Variants in B3GAT3 observed in about 807,000 individuals in gnomAD.
B3GAT3 encodes beta-1,3-glucuronyltransferase 3, also known as galactosylgalactosylxylosylprotein 3-beta-glucuronosyltransferase 3.
In B3GAT3, 19 loss-of-function variants were observed where a neutral mutation model predicts 33.1. The observed-to-expected ratio is 0.57, with a 90% confidence interval of 0.40 to 0.84. The LOEUF is 0.84. B3GAT3 is among the 40% of genes least tolerant of loss of function. The pLI, the probability that B3GAT3 is intolerant of heterozygous loss-of-function variation, is 0.00. For synonymous variants in B3GAT3, 167 were observed against 193.5 expected, an observed-to-expected ratio of 0.86 and a Z score of 1.14; for missense variants, 344 against 441.5, an observed-to-expected ratio of 0.78 and a Z score of 1.98.
At chr11:62,619,000 A>AT (rs1231895238) in intron 2 of B3GAT3, among the ~76,000 whole-genome samples, 87 of 145,334 alleles carry the variant, frequency 6.0e-4, no homozygotes, top group Admixed American at 1.0e-3. Context: ...AAAAAAAAAA[A>AT]ATTAGCCTGG....
chr11:62,616,485 T>C (rs1178773636), intron 4 of B3GAT3, 21 bp downstream of exon 4: 6 of 1,614,030 alleles, frequency 3.7e-6, no homozygotes, highest in Non-Finnish European at 4.2e-6. Context: ...CAGGTTTCTA[T>C]GCCCATCTCC....
chr11:62,616,887 C>G, intron 3 of B3GAT3, 91 bp from the exon 4 acceptor site: 1 of 1,612,270 alleles, frequency 6.2e-7, no homozygotes, highest in Non-Finnish European at 8.5e-7. Context: ...CCCACTGCTT[C>G]CAGCCCCTCA....
At chr11:62,621,338 G>A (rs1943140507) in intron 1 of B3GAT3, 1 of 456,520 alleles carries the variant, frequency 2.2e-6, no homozygotes, top group Admixed American at 2.4e-5. Flanking sequence ...AACTGTGATG[G>A]GGCCATGAAG....
At chr11:62,621,512 G>A (rs150523874) in intron 1 of B3GAT3, among the ~76,000 whole-genome samples, 1 of 152,248 alleles carries the variant, frequency 6.6e-6, no homozygotes, top group Non-Finnish European at 1.5e-5. Flanking sequence ...CCCAAGCAGA[G>A]GGAACAAGTT....
At position 62,615,787 on chromosome 11, in the gene B3GAT3, G is replaced by A; in HGVS notation, c.922C>T (p.His308Tyr). The A allele has an allele frequency of 6.2e-7, 1 of 1,613,814 alleles. No individual in the cohort carries two copies. The highest frequency in any genetic ancestry group is 8.5e-7 in the Non-Finnish European group (1 of 1,180,028). The change falls in exon 5 of 5, where the codon CAT (histidine) becomes TAT (tyrosine). Residue 308 changes from histidine (H) to tyrosine (Y), a missense_variant. Transcript: ENST00000265471. ...ATCTTGGGCTTCTCTGTCCGAGTAT[G>A]CCACACCAGTACCTGTGCCAGGAGG... is the stretch of plus-strand genomic sequence containing the variant. ...AANCTRVLVW[H>Y]TRTEKPKMKQ...
chr11:62,621,804 G>A, intron 1 of B3GAT3, 62 bp downstream of exon 1: 1 of 1,491,848 alleles, frequency 6.7e-7, no homozygotes. Context: ...TCCCCAGGGC[G>A]GGATGCACGG....
intron 2 of B3GAT3, among the ~76,000 whole-genome samples, chr11:62,618,370 G>T (rs1943075624): frequency 6.6e-6 from 1 of 151,974 alleles, no homozygotes; most frequent in Non-Finnish European, 1.5e-5. Flanking sequence ...TTGTTTTAAA[G>T]ATTAAATAAG....
chr11:62,618,852 G>A (rs983053547), intron 2 of B3GAT3, among the ~76,000 whole-genome samples: 16 of 152,020 alleles, frequency 1.1e-4, no homozygotes, highest in East Asian at 9.7e-4. Context: ...GTGTGGTGGC[G>A]CATGCTTGTA....
In B3GAT3 at chr11:62,618,289, A is replaced by G. The variant is rs2134432895; in HGVS notation, c.258-942T>C. 2.6e-5 allele frequency among the ~76,000 whole-genome samples: 4 copies of G among 152,176 alleles called. 1 individual carries two copies. Among genetic ancestry groups the G allele is most frequent in the Middle Eastern group, 6.8e-3 (2 of 294 alleles). ...ACTTATTATGTGAGACAATTTGGGAAAATGGCTCAATCTCCCTAAGCCTCA... is the reference window on the plus strand; with the variant it reads ...ACTTATTATGTGAGACAATTTGGGAGAATGGCTCAATCTCCCTAAGCCTCA... On this transcript the variant is annotated intron_variant, in intron 2 of 4. Coordinates refer to ENST00000265471, the MANE Select transcript of B3GAT3 (RefSeq NM_012200.4).
intron 4 of B3GAT3, chr11:62,616,239 G>GCC (rs766446916): frequency 4.1e-5 from 22 of 534,124 alleles, no homozygotes; most frequent in African/African-American, 3.7e-4. Context: ...GCGAGACTCT[G>GCC]TCTGAAAAAA....
At chr11:62,617,641 G>A (rs1217504807) in intron 2 of B3GAT3, among the ~76,000 whole-genome samples, 1 of 152,066 alleles carries the variant, frequency 6.6e-6, no homozygotes, top group African/African-American at 2.4e-5. Context: ...TTGGGAGGCT[G>A]AGGCAGGTGA....
In B3GAT3 at chr11:62,617,076, C is replaced by G. The variant is rs1379852730; in HGVS notation, c.529G>C (p.Gly177Arg). ...WLRGRGGAVG[G>R]EKDPPPPGTQ... ...CCTGGTGGTGGTGGGTCCTTCTCCC[C>G]ACCCACAGCACCCCCTCTGCCCCGG... Residue 177 changes from glycine to arginine, a missense_variant, in exon 3 of 5, where the codon GGG becomes CGG. Transcript: ENST00000265471. 4 of 1,614,006 alleles carry G rather than the reference C, an allele frequency of 2.5e-6. No homozygotes were observed. The highest frequency in any genetic ancestry group is 3.4e-6 in the Non-Finnish European group (4 of 1,180,040).
chr11:62,620,337 T>C (rs1943121437), intron 2 of B3GAT3, among the ~76,000 whole-genome samples, 160 bp downstream of exon 2: 1 of 152,254 alleles, frequency 6.6e-6, no homozygotes, highest in South Asian at 2.1e-4. Context: ...AAAGAACTAT[T>C]TTCCCACAAA....
At position 62,617,234 on chromosome 11, in the gene B3GAT3, A is replaced by T. The variant is rs1253042687; in HGVS notation, c.371T>A (p.Leu124Gln). The T allele has an allele frequency of 6.2e-7, 1 of 1,613,572 alleles. No individual in the cohort carries two copies. The highest frequency in any genetic ancestry group is 1.7e-5 in the Admixed American group (1 of 59,938). Reference protein sequence around the residue: ...AEGPTPLVSGLLAASGLLFTH... With the variant: ...AEGPTPLVSGQLAASGLLFTH... Reference sequence around the variant, plus strand: ...GAAGAGGAGGCCAGAGGCAGCCAGCAGCCCTGAGACCAGCGGGGTGGGACC... The same window carrying T: ...GAAGAGGAGGCCAGAGGCAGCCAGCTGCCCTGAGACCAGCGGGGTGGGACC... Residue 124 changes from leucine (L) to glutamine (Q), a missense_variant, in exon 3 of 5, where the codon CTG becomes CAG. Physicochemically the swap from Leu to Gln is moderately radical, Grantham distance 113 (BLOSUM62 -2). Transcript: ENST00000265471.
At chr11:62,618,750 G>A (rs545571855) in intron 2 of B3GAT3, among the ~76,000 whole-genome samples, 6 of 151,966 alleles carry the variant, frequency 3.9e-5, no homozygotes, top group Admixed American at 2.6e-4. Flanking sequence ...TTGAGAGGCC[G>A]AAGCAGGTGG....
intron 2 of B3GAT3, among the ~76,000 whole-genome samples, chr11:62,619,167 G>A (rs542024897): frequency 6.6e-5 from 6 of 90,646 alleles, no homozygotes; most frequent in South Asian, 4.6e-4. Flanking sequence ...GCGGGGAGGC[G>A]GGGGGAAGAA....
intron 1 of B3GAT3, chr11:62,621,042 G>A: frequency 2.0e-6 from 1 of 488,844 alleles, no homozygotes; most frequent in Non-Finnish European, 4.0e-6. Context: ...CTTTTGGACA[G>A]TCTTTCAAAT....
chr11:62,615,523 A>C lies in B3GAT3; in HGVS notation c.*178T>G. The C allele has an allele frequency of 2.5e-6, 3 of 1,203,338 alleles. No homozygotes were observed. Among genetic ancestry groups the C allele is most frequent in the Non-Finnish European group, 3.5e-6 (3 of 863,496 alleles). 74.5% of individuals were successfully genotyped at this position (1,203,338 alleles called of 1,614,324 possible). ...TTGTCCCCAGCCTGTGGGCAGTGCC[A>C]CACGGCAGGCTAGGGGAGGGGTGAA... On this transcript the variant is annotated 3_prime_UTR_variant, in exon 5 of 5. Transcript: ENST00000265471.
rs749713751 is a variant in B3GAT3 at position 62,615,655 on chromosome 11, C to T, written c.*46G>A. The T allele has an allele frequency of 3.1e-6, 5 of 1,597,772 alleles. No individual in the cohort carries two copies. In the East Asian group the frequency reaches 6.7e-5, roughly 22 times the overall value. On this transcript the variant is annotated 3_prime_UTR_variant, in exon 5 of 5. Coordinates refer to ENST00000265471, the MANE Select transcript of B3GAT3 (RefSeq NM_012200.4). Reference sequence around the variant, plus strand: ...TGGGCAGGCCTGGGGCCCAGTCCCACAAGGTCTGTGCCTGAAAAGAGGTGG... The same window carrying T: ...TGGGCAGGCCTGGGGCCCAGTCCCATAAGGTCTGTGCCTGAAAAGAGGTGG...
Sources: gnomAD v4.1 joint callset for allele counts (sites outside exome capture counted in the v4.1 genomes callset) on GRCh38, gnomAD v4.1.1 for gene constraint, MANE v1.5 for transcripts, NCBI Gene and HGNC (gene_info 2026-07-23, HGNC 2026-07-21) for gene names.